Variants in TNKS2 observed in about 807,000 individuals in gnomAD.
TNKS2 encodes the protein poly [ADP-ribose] polymerase tankyrase-2.
In TNKS2, 72 loss-of-function variants were observed where a neutral mutation model predicts 137.6. The ratio of observed to expected loss-of-function variants is 0.52; its 90% confidence interval spans 0.43 to 0.64. The LOEUF is 0.64. TNKS2 is among the 30% of genes least tolerant of loss of function. The pLI, the probability that TNKS2 is intolerant of heterozygous loss-of-function variation, is 0.00. For missense variants in TNKS2, 1,049 were observed against 1,410.2 expected, an observed-to-expected ratio of 0.74 and a Z score of 4.10; for synonymous variants, 516 against 512.1, an observed-to-expected ratio of 1.01 and a Z score of -0.10.
At chr10:91,838,762 A>G (rs1589677598) in intron 13 of TNKS2, among the ~76,000 whole-genome samples, 1 of 152,160 alleles carries the variant, frequency 6.6e-6, no homozygotes, top group Non-Finnish European at 1.5e-5. Flanking sequence ...AGGTAAACCC[A>G]CTGATAGTAG....
intron 24 of TNKS2, 134 bp from the exon 25 acceptor site, chr10:91,859,328 T>C (rs1842793583): frequency 3.3e-6 from 2 of 606,322 alleles, no homozygotes; most frequent in African/African-American, 3.8e-5. Context: ...ACAGTTAACT[T>C]GTTACCCTTT....
In TNKS2 at chr10:91,811,071, C is replaced by A. The variant is rs926203388; in HGVS notation, c.200-1912C>A. Among the ~76,000 whole-genome samples the A allele has an allele frequency of 2.0e-5, 3 of 150,930 alleles. No individual in the cohort carries two copies. In the South Asian group the frequency reaches 6.3e-4, roughly 32 times the overall value. On this transcript the variant is annotated intron_variant, in intron 1 of 26. Coordinates refer to ENST00000371627, the MANE Select transcript of TNKS2 (RefSeq NM_025235.4). Reference sequence around the variant, plus strand: ...TCCCATGTAGCTGGGATTACAGGCACGCGCCACCACGCCCAGCTAATTTTT... The same window carrying A: ...TCCCATGTAGCTGGGATTACAGGCAAGCGCCACCACGCCCAGCTAATTTTT...
chr10:91,835,592 CTTTTTTTTTT>C (rs35247985), intron 12 of TNKS2, among the ~76,000 whole-genome samples: 1 of 109,428 alleles, frequency 9.1e-6, no homozygotes, highest in Non-Finnish European at 1.8e-5. Context: ...CCCGGCCTTT[CTTTTTTTTTT>C]TTTTTTTTTT....
intron 2 of TNKS2, among the ~76,000 whole-genome samples, chr10:91,814,260 T>C (rs992149957): frequency 6.6e-6 from 1 of 151,780 alleles, no homozygotes; most frequent in African/African-American, 2.4e-5. Flanking sequence ...AGAAAAGTTG[T>C]AAAAAAAAAT....
Position 91,812,699 on chromosome 10 carries a change from T to G in TNKS2, c.200-284T>G, listed in dbSNP as rs140122565. The G allele has an allele frequency of 3.5e-5, 30 of 868,180 alleles. No homozygotes were observed. In the African/African-American group the frequency reaches 4.2e-4, roughly 12 times the overall value. 53.8% of individuals were successfully genotyped at this position (868,180 alleles called of 1,614,324 possible). On this transcript the variant is annotated intron_variant, in intron 1 of 26. Coordinates refer to ENST00000371627, the MANE Select transcript of TNKS2 (RefSeq NM_025235.4). Reference sequence around the variant, plus strand: ...TGTAGAGTGAGAAACATTTGAACTTTGAGCTTTCAGTCACTTATTTTGTAT... The same window carrying G: ...TGTAGAGTGAGAAACATTTGAACTTGGAGCTTTCAGTCACTTATTTTGTAT...
chr10:91,803,694 T>G (rs1266704171), intron 1 of TNKS2, among the ~76,000 whole-genome samples: 2 of 152,042 alleles, frequency 1.3e-5, no homozygotes, highest in African/African-American at 4.8e-5. Context: ...TCACTGAGAG[T>G]CCTGGCTAAA....
intron 7 of TNKS2, among the ~76,000 whole-genome samples, chr10:91,822,715 G>A (rs926633725): frequency 2.0e-5 from 3 of 151,542 alleles, no homozygotes; most frequent in Non-Finnish European, 2.9e-5. Context: ...TCAGACAGGC[G>A]CCATCACGCC....
At chr10:91,812,338 G>A (rs1321836875) in intron 1 of TNKS2, among the ~76,000 whole-genome samples, 2 of 152,188 alleles carry the variant, frequency 1.3e-5, no homozygotes, top group Admixed American at 1.3e-4. Context: ...ACTGTGGAAT[G>A]TTGGTACCTA....
intron 12 of TNKS2, among the ~76,000 whole-genome samples, chr10:91,836,150 C>A (rs1470817543): frequency 6.7e-6 from 1 of 148,402 alleles, no homozygotes; most frequent in Non-Finnish European, 1.5e-5. Context: ...TTAAAAGATG[C>A]ATGTTACAGT....
chr10:91,838,386 G>T (rs1489362215), intron 13 of TNKS2, among the ~76,000 whole-genome samples: 1 of 152,054 alleles, frequency 6.6e-6, no homozygotes, highest in Non-Finnish European at 1.5e-5. Context: ...CAGACAGATG[G>T]CTCTGTACGA....
chr10:91,845,633 C>A, intron 17 of TNKS2, 119 bp from the exon 18 acceptor site: 1 of 791,556 alleles, frequency 1.3e-6, no homozygotes, highest in South Asian at 3.8e-5. Context: ...AAGAGTTTTT[C>A]TTTTCATTTC....
At chr10:91,853,989 T>C (rs1404974920) in intron 21 of TNKS2, among the ~76,000 whole-genome samples, 1 of 152,188 alleles carries the variant, frequency 6.6e-6, no homozygotes, top group African/African-American at 2.4e-5. Flanking sequence ...CTGTTTAAAA[T>C]TCCATTTAAA....
chr10:91,833,021 C>G (rs1841870165), intron 11 of TNKS2, among the ~76,000 whole-genome samples: 1 of 152,130 alleles, frequency 6.6e-6, no homozygotes, highest in South Asian at 2.1e-4. Context: ...ACATGCACAT[C>G]AACTAGAGTT....
At position 91,836,943 on chromosome 10, in the gene TNKS2, A is replaced by G. The variant is rs755008362; in HGVS notation, c.1472A>G (p.Glu491Gly). ...GAGGGTATCTCATTAGGTAATTCAG[A>G]GGCAGACAGACAATTGCTGGAAGCT... is the stretch of plus-strand genomic sequence containing the variant. ...LQEGISLGNSEADRQLLEAAK... is the reference protein window; with the variant it reads ...LQEGISLGNSGADRQLLEAAK... The change falls in exon 13 of 27, where the codon GAG becomes GGG. Residue 491 changes from glutamate to glycine, a missense_variant. Glu to Gly is a moderately conservative substitution (Grantham distance 98). This residue lies in a region of TNKS2 where 328 missense variants were observed against 436.0 expected (regional missense o/e 0.75). Transcript: ENST00000371627. 7 of 1,613,304 alleles carry G rather than the reference A, an allele frequency of 4.3e-6. No individual in the cohort carries two copies. In the East Asian group the frequency reaches 1.3e-4, roughly 31 times the overall value.
intron 1 of TNKS2, among the ~76,000 whole-genome samples, chr10:91,800,129 G>C (rs1844114554): frequency 6.6e-6 from 1 of 152,176 alleles, no homozygotes; most frequent in Non-Finnish European, 1.5e-5. Context: ...AAAGAAGAAA[G>C]TTTAGGGAAC....
At chr10:91,806,007 T>A (rs1444359214) in intron 1 of TNKS2, among the ~76,000 whole-genome samples, 2 of 151,226 alleles carry the variant, frequency 1.3e-5, no homozygotes, top group African/African-American at 4.9e-5. Context: ...CCCTCTGACA[T>A]TTTCCTACTT....
chr10:91,836,000 CGTGTGTGTGTGTGT>C (rs58777939), intron 12 of TNKS2, among the ~76,000 whole-genome samples: 2 of 113,062 alleles, frequency 1.8e-5, no homozygotes, highest in Admixed American at 1.1e-4. Flanking sequence ...ATAAGAATAC[CGTGTGTGTGTGTGT>C]GTGTGTGTGT....
chr10:91,842,733 T>G (rs1842249108), intron 16 of TNKS2, among the ~76,000 whole-genome samples: 1 of 151,964 alleles, frequency 6.6e-6, no homozygotes. Context: ...ATTGTGCCAC[T>G]GTACTCCAGA....
chr10:91,849,496 T>C lies in TNKS2; in HGVS notation c.2612-16T>C. Reference sequence around the variant, plus strand: ...GATGTGAAATTCCATTTGTTTTGGATTTTTTTATTTCCCAGTTCCAGGAGT... The same window carrying C: ...GATGTGAAATTCCATTTGTTTTGGACTTTTTTATTTCCCAGTTCCAGGAGT... On this transcript the variant is annotated splice_polypyrimidine_tract_variant and intron_variant, in intron 19 of 26. Transcript: ENST00000371627. 1 of 1,599,920 alleles carries C rather than the reference T, an allele frequency of 6.3e-7. No homozygotes were observed. Among genetic ancestry groups the C allele is most frequent in the South Asian group, 1.1e-5 (1 of 88,680 alleles).
Sources: gnomAD v4.1 joint callset for allele counts (sites outside exome capture counted in the v4.1 genomes callset) on GRCh38, gnomAD v4.1.1 for gene constraint, gnomAD v4.1.1 regional missense constraint, MANE v1.5 for transcripts, NCBI Gene and HGNC (gene_info 2026-07-23, HGNC 2026-07-21) for gene names.